Variants in TANC2 observed in about 807,000 individuals in gnomAD.
TANC2 encodes the protein protein TANC2.
A neutral mutation model predicts 210.5 loss-of-function variants in TANC2; 26 were observed. The ratio of observed to expected loss-of-function variants is 0.12; its 90% CI spans 0.09 to 0.17. The LOEUF (loss-of-function observed/expected upper bound fraction) is 0.17. TANC2 is among the 10% of genes least tolerant of loss of function. TANC2 has a pLI of 1.00. For missense variants in TANC2, 2,129 were observed against 2,608.9 expected (o/e 0.82, Z 4.01); for synonymous variants, 931 against 967.1 (o/e 0.96, Z 0.69).
At chr17:63,407,460 GCTGCAAAGTAC>G (rs1198406386) in intron 21 of TANC2, among the ~76,000 whole-genome samples, 2 of 152,214 alleles carry the variant, frequency 1.3e-5, no homozygotes, top group African/African-American at 2.4e-5. Context: ...CCTTTAGATA[GCTGCAAAGTAC>G]CTGTCATGTG....
chr17:63,098,127 A>G (rs1361962790), intron 3 of TANC2, among the ~76,000 whole-genome samples: 2 of 151,888 alleles, frequency 1.3e-5, no homozygotes, highest in African/African-American at 4.8e-5. Flanking sequence ...TGTTCATGTT[A>G]TCTTATCTCT....
Position 63,232,893 on chromosome 17 carries a change from A to C in TANC2, c.770-4921A>C, listed in dbSNP as rs192166199. On this transcript the variant is annotated intron_variant, in intron 7 of 27. Coordinates refer to ENST00000689528, the Ensembl canonical transcript of TANC2. ...GCTGATCAACCGAGACTGCGGCTGCAACTGCGGCTGCCTCTCCTTCTGGGG... is the reference window on the plus strand; with the variant it reads ...GCTGATCAACCGAGACTGCGGCTGCCACTGCGGCTGCCTCTCCTTCTGGGG... Among the ~76,000 whole-genome samples the C allele has an allele frequency of 4.2e-3, 639 of 152,346 alleles. 1 individual carries two copies. Among genetic ancestry groups the C allele is most frequent in the Non-Finnish European group, 7.2e-3 (489 of 68,022 alleles).
chr17:63,072,229 T>G (rs932570292), intron 2 of TANC2, among the ~76,000 whole-genome samples: 1 of 152,158 alleles, frequency 6.6e-6, no homozygotes, highest in African/African-American at 2.4e-5. Context: ...GTTGAAATAC[T>G]GAGCCTTATT....
chr17:62,998,817 C>G (rs1340467481), intron 1 of TANC2, among the ~76,000 whole-genome samples: 1 of 152,176 alleles, frequency 6.6e-6, no homozygotes, highest in Non-Finnish European at 1.5e-5. Context: ...AGTACATAGA[C>G]AGTTGACACT....
intron 1 of TANC2, among the ~76,000 whole-genome samples, chr17:62,990,269 G>C (rs535788692): frequency 6.6e-6 from 1 of 151,990 alleles, no homozygotes; most frequent in South Asian, 2.1e-4. Flanking sequence ...TAGGAGGAGA[G>C]GACACTGAAA....
At chr17:63,077,334 A>G (rs975033197) in intron 3 of TANC2, among the ~76,000 whole-genome samples, 3 of 152,272 alleles carry the variant, frequency 2.0e-5, no homozygotes, top group Non-Finnish European at 2.9e-5. Context: ...TGCCTGTCTT[A>G]TACACTTTCT....
chr17:63,087,107 C>T (rs1333561224), intron 3 of TANC2, among the ~76,000 whole-genome samples: 1 of 152,218 alleles, frequency 6.6e-6, no homozygotes, highest in African/African-American at 2.4e-5. Flanking sequence ...ACAATCACCA[C>T]GAAGGTCTGT....
At chr17:63,314,303 C>T in intron 9 of TANC2, 85 bp from the exon 10 acceptor site, 6 of 1,502,326 alleles carry the variant, frequency 4.0e-6, no homozygotes, top group Non-Finnish European at 5.4e-6. Flanking sequence ...ACTCAAGTCC[C>T]TAAACCACAC....
At chr17:63,195,438 G>A (rs1037934151) in intron 6 of TANC2, among the ~76,000 whole-genome samples, 10 of 152,080 alleles carry the variant, frequency 6.6e-5, no homozygotes, top group African/African-American at 2.4e-4. Flanking sequence ...TCAGCAAATC[G>A]TAGACCCTGT....
intron 8 of TANC2, among the ~76,000 whole-genome samples, chr17:63,239,149 A>T (rs1009650231): frequency 3.0e-5 from 4 of 135,356 alleles, no homozygotes; most frequent in East Asian, 4.2e-4. Context: ...CCTTGTCTCT[A>T]AAAAAAAAAA....
chr17:62,993,904 G>A (rs948697182), intron 1 of TANC2, among the ~76,000 whole-genome samples: 8 of 152,306 alleles, frequency 5.3e-5, no homozygotes, highest in Middle Eastern at 3.4e-3. Context: ...CTGCAGCCTG[G>A]ATGAGTGAGA....
chr17:63,064,179 G>A (rs2036109525), intron 2 of TANC2, among the ~76,000 whole-genome samples: 1 of 152,160 alleles, frequency 6.6e-6, no homozygotes, highest in Non-Finnish European at 1.5e-5. Flanking sequence ...CTGGGGCCAG[G>A]CACAGTGGCT....
chr17:63,242,617 G>A (rs2042805775), intron 8 of TANC2, among the ~76,000 whole-genome samples: 1 of 152,084 alleles, frequency 6.6e-6, no homozygotes, highest in East Asian at 1.9e-4. Context: ...ATATGTAAGA[G>A]AGATATGAGG....
chr17:63,413,466 G>A (rs1180632085), intron 24 of TANC2, 77 bp from the exon 25 acceptor site: 1 of 1,144,848 alleles, frequency 8.7e-7, no homozygotes, highest in South Asian at 1.5e-5. Context: ...TTCCCCTAGG[G>A]TATTTTTTTC....
At chr17:63,321,315 A>C (rs1362924218) in intron 11 of TANC2, among the ~76,000 whole-genome samples, 1 of 152,144 alleles carries the variant, frequency 6.6e-6, no homozygotes, top group Non-Finnish European at 1.5e-5. Flanking sequence ...TTTCTTCAAC[A>C]TTACTTTCCA....
At chr17:63,353,662 G>A (rs1435502472) in intron 13 of TANC2, among the ~76,000 whole-genome samples, 3 of 151,974 alleles carry the variant, frequency 2.0e-5, no homozygotes, top group Admixed American at 2.0e-4. Context: ...AGAGCCCTGG[G>A]TGAGCTGGGA....
chr17:63,086,039 T>TA (rs1419571349), intron 3 of TANC2, among the ~76,000 whole-genome samples: 1 of 151,988 alleles, frequency 6.6e-6, no homozygotes, highest in Non-Finnish European at 1.5e-5. Flanking sequence ...GTTTTTTTTT[T>TA]AACCACTTTA....
intron 7 of TANC2, among the ~76,000 whole-genome samples, chr17:63,211,911 G>T (rs982616319): frequency 6.6e-6 from 1 of 152,106 alleles, no homozygotes; most frequent in Non-Finnish European, 1.5e-5. Context: ...TTAAGTTCTA[G>T]GGTACATGTG....
chr17:63,189,535 A>G (rs1441168575), intron 5 of TANC2, among the ~76,000 whole-genome samples: 2 of 152,072 alleles, frequency 1.3e-5, no homozygotes, highest in Admixed American at 1.3e-4. Context: ...TCATGTACTT[A>G]TTGACCATTT....
Sources: allele counts gnomAD v4.1 joint callset (sites outside exome capture counted in the v4.1 genomes callset), GRCh38; gene constraint gnomAD v4.1.1; transcripts MANE v1.5; gene names NCBI Gene and HGNC (gene_info 2026-07-23, HGNC 2026-07-21).